Variants in PCDHA4 observed in about 807,000 individuals in gnomAD.
PCDHA4 encodes the protein protocadherin alpha-4.
Under a neutral mutation model 61.4 loss-of-function variants are expected in PCDHA4, and 49 were observed. The ratio of observed to expected loss-of-function variants is 0.80; its 90% CI spans 0.63 to 1.01. PCDHA4 has a LOEUF of 1.01. PCDHA4 is among the 50% of genes least tolerant of loss of function. The pLI, the probability that PCDHA4 is intolerant of heterozygous loss-of-function variation, is 0.00. For missense variants in PCDHA4, 1,254 were observed against 1,235.8 expected, an observed-to-expected ratio of 1.01 and a Z score of -0.22; for synonymous variants, 590 against 550.3, an observed-to-expected ratio of 1.07 and a Z score of -1.01.
rs2150150288 is a variant in PCDHA4 at position 140,828,039 on chromosome 5, T to G, written c.2385+18467T>G. 212 of 1,539,464 alleles carry G rather than the reference T, an allele frequency of 1.4e-4. 1 individual carries two copies. Among genetic ancestry groups the G allele is most frequent in the Non-Finnish European group, 1.8e-4 (207 of 1,145,996 alleles). ...TAATAAATTCCGGAACATACAGTAT[T>G]TTATCTTTATGCGGAAGATCTTCTA... On this transcript the variant is annotated intron_variant, in intron 1 of 3. Coordinates refer to ENST00000530339, the MANE Select transcript of PCDHA4 (RefSeq NM_018907.4).
At chr5:140,925,124 A>AGGAAGGAAGGAAGG (rs1554202565) in intron 1 of PCDHA4, among the ~76,000 whole-genome samples, 2 of 151,856 alleles carry the variant, frequency 1.3e-5, no homozygotes, top group African/African-American at 2.4e-5. Context: ...GAAGGAAGGA[A>AGGAAGGAAGGAAGG]AAAAAATTTC....
At chr5:140,852,242 C>T (rs1581273178) in intron 1 of PCDHA4, 1 of 575,754 alleles carries the variant, frequency 1.7e-6, no homozygotes, top group East Asian at 1.4e-4. Context: ...TCCCTTAAAA[C>T]ACACTTTTGG....
Position 140,808,954 on chromosome 5 carries a change from C to T in PCDHA4, c.1767C>T (p.His589=). The part of the protein sequence containing the change: ...ELVPWSVGVG[H]VVAKVRAVDA... ...TGCCATGGTCGGTGGGTGTGGGCCA[C>T]GTGGTGGCAAAGGTGCGCGCGGTGG... The change falls in exon 1 of 4, where the codon CAC becomes CAT. Residue 589 remains histidine, a synonymous_variant. Transcript: ENST00000530339. The T allele has an allele frequency of 6.2e-7, 1 of 1,613,580 alleles. No homozygotes were observed. The highest frequency in any genetic ancestry group is 8.5e-7 in the Non-Finnish European group (1 of 1,179,702).
At chr5:141,004,412 A>G (rs2098165544) in intron 3 of PCDHA4, among the ~76,000 whole-genome samples, 1 of 152,164 alleles carries the variant, frequency 6.6e-6, no homozygotes, top group South Asian at 2.1e-4. Flanking sequence ...ACCTGACTAG[A>G]TCTCTGCCTC....
intron 2 of PCDHA4, among the ~76,000 whole-genome samples, chr5:140,980,258 G>A (rs2096882497): frequency 6.6e-6 from 1 of 152,164 alleles, no homozygotes; most frequent in Non-Finnish European, 1.5e-5. Context: ...GTAAAAGCAT[G>A]GTTTACAGTA....
intron 1 of PCDHA4, chr5:140,927,274 G>T: frequency 6.2e-7 from 1 of 1,614,100 alleles, no homozygotes; most frequent in Non-Finnish European, 8.5e-7. Context: ...TCCTGCCGGC[G>T]ACGTGCAGCT....
At chr5:140,952,380 G>A (rs246035) in intron 1 of PCDHA4, among the ~76,000 whole-genome samples, 85,175 of 151,100 alleles carry the variant, frequency 0.56, 24,638 homozygotes, top group African/African-American at 0.69. Flanking sequence ...CCTCTGCCAG[G>A]TACCCTAAAC....
intron 1 of PCDHA4, chr5:140,828,072 T>C (rs2150150600): frequency 1.3e-6 from 2 of 1,566,666 alleles, no homozygotes; most frequent in Non-Finnish European, 1.7e-6. Flanking sequence ...CTAATGGAAA[T>C]AAAACCAGAG....
chr5:140,871,004 G>A, intron 1 of PCDHA4: 1 of 1,613,408 alleles, frequency 6.2e-7, no homozygotes, highest in Non-Finnish European at 8.5e-7. Context: ...AGCACAACGC[G>A]TGCCCTGGAC....
chr5:140,879,491 T>G (rs2153367311), intron 1 of PCDHA4, among the ~76,000 whole-genome samples: 1 of 152,338 alleles, frequency 6.6e-6, no homozygotes. Flanking sequence ...AATATGGGTC[T>G]GGATCTCAGA....
chr5:140,833,206 T>C (rs1215291957), intron 1 of PCDHA4, among the ~76,000 whole-genome samples: 2 of 151,926 alleles, frequency 1.3e-5, no homozygotes, highest in African/African-American at 4.8e-5. Context: ...GAGAATGAAA[T>C]AGGAATGGAC....
chr5:140,972,398 A>G (rs2096535021), intron 1 of PCDHA4, among the ~76,000 whole-genome samples: 1 of 151,358 alleles, frequency 6.6e-6, no homozygotes, highest in Non-Finnish European at 1.5e-5. Flanking sequence ...TTGCTTCACT[A>G]TTGGCAAACC....
At chr5:140,975,439 T>C (rs1376325988) in intron 1 of PCDHA4, among the ~76,000 whole-genome samples, 2 of 152,222 alleles carry the variant, frequency 1.3e-5, no homozygotes, top group Non-Finnish European at 2.9e-5. Context: ...CACCAGGATA[T>C]AGGGATCTTG....
chr5:140,915,504 T>C (rs1554196920), intron 1 of PCDHA4, among the ~76,000 whole-genome samples: 1 of 152,136 alleles, frequency 6.6e-6, no homozygotes, highest in Non-Finnish European at 1.5e-5. Context: ...AATACTGTGG[T>C]TTTTGCAGAC....
intron 1 of PCDHA4, chr5:140,926,673 A>T (rs998903830): frequency 2.1e-5 from 12 of 580,470 alleles, no homozygotes; most frequent in Non-Finnish European, 3.2e-5. Flanking sequence ...ACGGCTGCCC[A>T]GCCTCCAGCC....
chr5:140,834,539 G>A (rs1489443393), intron 1 of PCDHA4: 2 of 1,613,968 alleles, frequency 1.2e-6, no homozygotes, highest in Non-Finnish European at 1.7e-6. Flanking sequence ...CGCAGGACCT[G>A]GGGCTGGAGC....
At chr5:140,900,559 G>A (rs542075943) in intron 1 of PCDHA4, among the ~76,000 whole-genome samples, 2 of 152,314 alleles carry the variant, frequency 1.3e-5, no homozygotes, top group African/African-American at 2.4e-5. Context: ...TTACAGGCGT[G>A]AGCCACGGCA....
chr5:140,852,737 C>T (rs980998080), intron 1 of PCDHA4: 2 of 983,692 alleles, frequency 2.0e-6, no homozygotes, highest in Non-Finnish European at 1.2e-6. Flanking sequence ...GTTTCATGTG[C>T]CATTTAAACT....
chr5:140,913,055 T>G (rs1554195719), intron 1 of PCDHA4, among the ~76,000 whole-genome samples: 2 of 152,184 alleles, frequency 1.3e-5, no homozygotes, highest in African/African-American at 4.8e-5. Context: ...GAGTTTTATT[T>G]TATTTTGATG....
Sources: gnomAD v4.1 joint callset for allele counts (sites outside exome capture counted in the v4.1 genomes callset) on GRCh38, gnomAD v4.1.1 for gene constraint, MANE v1.5 for transcripts, NCBI Gene and HGNC (gene_info 2026-07-23, HGNC 2026-07-21) for gene names.